ADAMTS12: variants seen among roughly 807,000 people sequenced by gnomAD.
ADAMTS12 encodes ADAM metallopeptidase with thrombospondin type 1 motif 12.
In ADAMTS12, 118 loss-of-function variants were observed where a neutral mutation model predicts 167.8. The ratio of observed to expected loss-of-function variants is 0.70; its 90% CI spans 0.61 to 0.82. The LOEUF (loss-of-function observed/expected upper bound fraction) is 0.82, where lower values mean the gene tolerates loss of function less well. Ranked by LOEUF, ADAMTS12 falls within the 40% of genes least tolerant of loss-of-function variation. The probability of loss-of-function intolerance (pLI) is 0.00; values close to 1 mark genes in which losing one functional copy is unlikely to be tolerated. For synonymous variants in ADAMTS12, 704 were observed against 716.9 expected (o/e 0.98, Z 0.29); for missense variants, 1,916 against 1,998.8 (o/e 0.96, Z 0.79).
intron 2 of ADAMTS12, among the ~76,000 whole-genome samples, chr5:33,829,404 TA>T (rs1179138918): frequency 6.6e-6 from 1 of 152,210 alleles, no homozygotes; most frequent in Non-Finnish European, 1.5e-5. Flanking sequence ...GTTGCTGTTT[TA>T]TTATTGCATA....
chr5:33,570,658 A>G (rs1468550837), intron 19 of ADAMTS12, among the ~76,000 whole-genome samples: 3 of 152,232 alleles, frequency 2.0e-5, no homozygotes, highest in Non-Finnish European at 4.4e-5. Context: ...AAATGTAAAG[A>G]CCATCGAGAT....
chr5:33,838,534 T>G (rs1200640578), intron 2 of ADAMTS12, among the ~76,000 whole-genome samples: 2 of 152,016 alleles, frequency 1.3e-5, no homozygotes, highest in African/African-American at 4.8e-5. Context: ...AATACAAAAA[T>G]TAGCCGGGTG....
intron 23 of ADAMTS12, among the ~76,000 whole-genome samples, chr5:33,530,675 C>A (rs1337797003): frequency 6.6e-6 from 1 of 152,160 alleles, no homozygotes; most frequent in Non-Finnish European, 1.5e-5. Flanking sequence ...GCAGCGCTGA[C>A]CCACATGAGT....
intron 2 of ADAMTS12, among the ~76,000 whole-genome samples, chr5:33,848,987 A>T (rs1434895862): frequency 6.6e-6 from 1 of 150,846 alleles, no homozygotes; most frequent in African/African-American, 2.4e-5. Context: ...AGCAATATAT[A>T]TATATGTATT....
At chr5:33,884,380 C>T (rs561882594) in intron 1 of ADAMTS12, among the ~76,000 whole-genome samples, 59 of 152,318 alleles carry the variant, frequency 3.9e-4, no homozygotes, top group Non-Finnish European at 7.2e-4. Context: ...TCACTCCCAT[C>T]CCACGTCATG....
chr5:33,781,210 G>A (rs898799426), intron 2 of ADAMTS12, among the ~76,000 whole-genome samples: 3 of 151,870 alleles, frequency 2.0e-5, no homozygotes, highest in Admixed American at 1.3e-4. Context: ...ACACACACAT[G>A]CAAATGTCTG....
intron 2 of ADAMTS12, among the ~76,000 whole-genome samples, chr5:33,788,531 C>T (rs1263052830): frequency 6.6e-6 from 1 of 152,112 alleles, no homozygotes; most frequent in Admixed American, 6.5e-5. Context: ...TGTTGTCTTT[C>T]TCTTCTTGAT....
chr5:33,733,019 A>G (rs1465267629), intron 3 of ADAMTS12, among the ~76,000 whole-genome samples: 1 of 151,426 alleles, frequency 6.6e-6, no homozygotes, highest in Admixed American at 6.6e-5. Context: ...GGGTTTTATT[A>G]TATATTATAT....
Position 33,530,269 on chromosome 5 carries a change from T to C in ADAMTS12, c.4607-2903A>G, listed in dbSNP as rs75115321. 7.8e-3 allele frequency among the ~76,000 whole-genome samples: 1,195 copies of C among 152,286 alleles called. 13 individuals are homozygous for C. The highest frequency in any genetic ancestry group is 0.027 in the African/African-American group (1,108 of 41,534). ...CAGATTTTCTCCTCAAAATTCAACT[T>C]CAGAGAGTACATGTTTTGACCAAGC... On this transcript the variant is annotated intron_variant, in intron 23 of 23. Transcript: ENST00000504830.
chr5:33,565,463 T>C (rs928597096), intron 19 of ADAMTS12, among the ~76,000 whole-genome samples: 4 of 152,230 alleles, frequency 2.6e-5, no homozygotes, highest in Admixed American at 6.5e-5. Context: ...CAGTTCTATT[T>C]ATTAAACATT....
At chr5:33,698,877 C>T (rs1299991322) in intron 3 of ADAMTS12, among the ~76,000 whole-genome samples, 2 of 151,774 alleles carry the variant, frequency 1.3e-5, no homozygotes, top group Non-Finnish European at 2.9e-5. Context: ...AAGTATCTGG[C>T]TGGGCGTGGT....
intron 20 of ADAMTS12, among the ~76,000 whole-genome samples, chr5:33,555,839 G>A (rs1671605657): frequency 1.3e-5 from 2 of 152,132 alleles, no homozygotes; most frequent in Non-Finnish European, 2.9e-5. Context: ...CAGACACGTG[G>A]CAGTACTACC....
chr5:33,605,427 T>A (rs1027566493), intron 16 of ADAMTS12, among the ~76,000 whole-genome samples: 2 of 152,196 alleles, frequency 1.3e-5, no homozygotes, highest in African/African-American at 4.8e-5. Context: ...TAGTTGAGCA[T>A]AATAAATTGT....
intron 3 of ADAMTS12, among the ~76,000 whole-genome samples, chr5:33,692,104 C>T (rs992675648): frequency 2.0e-5 from 3 of 152,202 alleles, no homozygotes; most frequent in Non-Finnish European, 4.4e-5. Context: ...AATATTTGTT[C>T]TTCCCCTCTT....
intron 2 of ADAMTS12, among the ~76,000 whole-genome samples, chr5:33,801,120 C>T (rs79158104): frequency 0.015 from 2,245 of 152,214 alleles, 66 homozygotes; most frequent in African/African-American, 0.052. Context: ...GAAGCAAATT[C>T]CCCCATAGAG....
At chr5:33,531,417 T>C (rs1317885075) in intron 23 of ADAMTS12, among the ~76,000 whole-genome samples, 1 of 152,164 alleles carries the variant, frequency 6.6e-6, no homozygotes, top group Non-Finnish European at 1.5e-5. Context: ...CACTAGGCAA[T>C]GTTTGATATA....
intron 2 of ADAMTS12, among the ~76,000 whole-genome samples, chr5:33,862,138 C>A (rs1288650718): frequency 6.6e-6 from 1 of 152,068 alleles, no homozygotes; most frequent in Non-Finnish European, 1.5e-5. Flanking sequence ...CAAGAACAAA[C>A]AAATTCAAAA....
intron 2 of ADAMTS12, among the ~76,000 whole-genome samples, chr5:33,799,606 C>T (rs1236552228): frequency 6.6e-6 from 1 of 152,216 alleles, no homozygotes; most frequent in Non-Finnish European, 1.5e-5. Flanking sequence ...TACCCATTGG[C>T]TGGGTTGTCA....
intron 2 of ADAMTS12, among the ~76,000 whole-genome samples, chr5:33,794,479 G>A (rs766041283): frequency 2.1e-5 from 3 of 143,594 alleles, no homozygotes; most frequent in Non-Finnish European, 4.5e-5. Flanking sequence ...GGAAGATTCT[G>A]GTTTTCTGCA....
Sources: allele counts gnomAD v4.1 joint callset (sites outside exome capture counted in the v4.1 genomes callset), GRCh38; gene constraint gnomAD v4.1.1; transcripts MANE v1.5; gene names NCBI Gene and HGNC (gene_info 2026-07-23, HGNC 2026-07-21).